Variants in TAFA5 observed in about 807,000 individuals in gnomAD.
TAFA5 encodes the protein chemokine-like protein TAFA-5.
TAFA5 carries 6 observed loss-of-function variants against 15.3 expected under a neutral mutation model. The ratio of observed to expected loss-of-function variants is 0.39; its 90% confidence interval spans 0.21 to 0.77. TAFA5 has a LOEUF of 0.77. TAFA5 is among the 30% of genes least tolerant of loss of function. The pLI, the probability that TAFA5 is intolerant of heterozygous loss-of-function variation, is 0.41. For synonymous variants in TAFA5, 103 were observed against 80.7 expected (o/e 1.28, Z -1.48); for missense variants, 161 against 193.1 (o/e 0.83, Z 0.98).
At chr22:48,510,685 C>A (rs1238522231) in intron 1 of TAFA5, among the ~76,000 whole-genome samples, 2 of 152,246 alleles carry the variant, frequency 1.3e-5, no homozygotes, top group African/African-American at 4.8e-5. Flanking sequence ...GCCTCCTCCT[C>A]CTCCAGGATG....
In TAFA5 at chr22:48,546,549, C is replaced by T. The variant is rs777414551; in HGVS notation, c.112+56845C>T. On this transcript the variant is annotated intron_variant, in intron 1 of 3. Transcript: ENST00000402357. Reference sequence around the variant, plus strand: ...GCCCGCGGCTGTGGGATGAGAGATACGGATGATGTGGACTGCTGAGCAAGG... The same window carrying T: ...GCCCGCGGCTGTGGGATGAGAGATATGGATGATGTGGACTGCTGAGCAAGG... 62 of 471,008 alleles carry T rather than the reference C, an allele frequency of 1.3e-4. 1 individual carries two copies. The highest frequency in any genetic ancestry group is 6.2e-4 in the South Asian group (40 of 64,570). 29.2% of individuals were successfully genotyped at this position (471,008 alleles called of 1,614,324 possible).
intron 1 of TAFA5, among the ~76,000 whole-genome samples, chr22:48,565,212 C>CA (rs1259630364): frequency 6.6e-6 from 1 of 152,204 alleles, no homozygotes; most frequent in Non-Finnish European, 1.5e-5. Context: ...ACCCCACTGT[C>CA]ACGGCCAAGT....
At chr22:48,579,855 A>G (rs936059568) in intron 1 of TAFA5, among the ~76,000 whole-genome samples, 1 of 152,192 alleles carries the variant, frequency 6.6e-6, no homozygotes, top group African/African-American at 2.4e-5. Context: ...ACCCAAAGGG[A>G]CATGAGAAAG....
At chr22:48,502,226 A>G (rs1484705959) in intron 1 of TAFA5, among the ~76,000 whole-genome samples, 3 of 152,182 alleles carry the variant, frequency 2.0e-5, no homozygotes, top group Non-Finnish European at 4.4e-5. Context: ...CTGCAAACAA[A>G]TCTGCTTGGA....
At chr22:48,693,906 C>T (rs546336363) in intron 2 of TAFA5, among the ~76,000 whole-genome samples, 14 of 152,308 alleles carry the variant, frequency 9.2e-5, no homozygotes, top group East Asian at 7.7e-4. Flanking sequence ...GTGTTTCCGC[C>T]GGGTGGGGAA....
intron 1 of TAFA5, among the ~76,000 whole-genome samples, chr22:48,502,189 C>A (rs908333497): frequency 6.6e-6 from 1 of 152,160 alleles, no homozygotes; most frequent in Admixed American, 6.5e-5. Context: ...AACAAGAAGA[C>A]TGAGGAGTCT....
chr22:48,680,255 C>T (rs938976764), intron 2 of TAFA5, among the ~76,000 whole-genome samples: 5 of 152,258 alleles, frequency 3.3e-5, no homozygotes, highest in Admixed American at 6.5e-5. Context: ...ATTTGGGGCT[C>T]TGTGGGGCTG....
At chr22:48,605,459 A>T (rs78563333) in intron 1 of TAFA5, among the ~76,000 whole-genome samples, 4,071 of 128,420 alleles carry the variant, frequency 0.032, 200 homozygotes, top group African/African-American at 0.11. Context: ...GGCAATGGTG[A>T]TGGTAATGAT....
At chr22:48,707,688 G>T (rs565095068) in intron 2 of TAFA5, 29 bp from the exon 3 acceptor site, 6 of 1,611,866 alleles carry the variant, frequency 3.7e-6, no homozygotes, top group African/African-American at 1.3e-5. Context: ...AGAGTAGCAC[G>T]CTGATTGCCT....
At chr22:48,698,484 T>G (rs1418537442) in intron 2 of TAFA5, among the ~76,000 whole-genome samples, 1 of 151,388 alleles carries the variant, frequency 6.6e-6, no homozygotes, top group African/African-American at 2.4e-5. Flanking sequence ...AAGGTGATGA[T>G]AGGGAGAGCT....
At chr22:48,518,958 G>C (rs2147105949) in intron 1 of TAFA5, among the ~76,000 whole-genome samples, 1 of 152,238 alleles carries the variant, frequency 6.6e-6, no homozygotes, top group East Asian at 1.9e-4. Context: ...CAGCTCACCT[G>C]TCCGTCAAGA....
intron 2 of TAFA5, among the ~76,000 whole-genome samples, chr22:48,662,654 A>G (rs1927485034): frequency 6.6e-6 from 1 of 152,192 alleles, no homozygotes; most frequent in Non-Finnish European, 1.5e-5. Context: ...GTGCGAGCTC[A>G]CCGGAGCAGG....
intron 1 of TAFA5, among the ~76,000 whole-genome samples, chr22:48,523,032 A>C (rs1174122748): frequency 6.6e-6 from 1 of 152,180 alleles, no homozygotes; most frequent in Non-Finnish European, 1.5e-5. Context: ...CCTTCCCAGC[A>C]GGAGACCCAG....
chr22:48,549,390 T>G (rs1922785712), intron 1 of TAFA5, among the ~76,000 whole-genome samples: 1 of 152,254 alleles, frequency 6.6e-6, no homozygotes, highest in Non-Finnish European at 1.5e-5. Context: ...TGGTCAGCAC[T>G]GAGCAGGGAG....
At chr22:48,584,835 AAC>A (rs1326091902) in intron 1 of TAFA5, among the ~76,000 whole-genome samples, 2 of 150,696 alleles carry the variant, frequency 1.3e-5, no homozygotes, top group African/African-American at 4.9e-5. Flanking sequence ...ACACGTATAC[AAC>A]ACACAGCACA....
chr22:48,626,404 C>T (rs1461518331), intron 1 of TAFA5, among the ~76,000 whole-genome samples: 1 of 152,132 alleles, frequency 6.6e-6, no homozygotes, highest in African/African-American at 2.4e-5. Flanking sequence ...GGTGTATGGC[C>T]GTTACCTCCT....
intron 1 of TAFA5, among the ~76,000 whole-genome samples, chr22:48,500,977 C>T (rs1366683191): frequency 6.6e-6 from 1 of 152,126 alleles, no homozygotes; most frequent in Non-Finnish European, 1.5e-5. Flanking sequence ...CGCTGACTGC[C>T]CAAGGCCCCT....
At chr22:48,555,895 C>G in intron 1 of TAFA5, among the ~76,000 whole-genome samples, 1 of 152,178 alleles carries the variant, frequency 6.6e-6, no homozygotes, top group Admixed American at 6.5e-5. Flanking sequence ...CTGGGCCTGG[C>G]CTTGGGTGGT....
At chr22:48,713,889 A>G (rs1054359770) in intron 3 of TAFA5, among the ~76,000 whole-genome samples, 1 of 152,236 alleles carries the variant, frequency 6.6e-6, no homozygotes, top group Non-Finnish European at 1.5e-5. Context: ...AGGGCTTAGC[A>G]TGTGTCAACG....
Sources: allele counts gnomAD v4.1 joint callset (sites outside exome capture counted in the v4.1 genomes callset), GRCh38; gene constraint gnomAD v4.1.1; transcripts MANE v1.5; gene names NCBI Gene and HGNC (gene_info 2026-07-23, HGNC 2026-07-21).